The following TTC39C variants were observed in gnomAD, a reference collection of about 807,000 sequenced individuals.
TTC39C encodes tetratricopeptide repeat domain 39C.
A neutral mutation model predicts 76.3 loss-of-function variants in TTC39C; 33 were observed. That is an observed-to-expected ratio of 0.43 (90% confidence interval 0.33 to 0.58). The LOEUF (loss-of-function observed/expected upper bound fraction) is 0.58, where lower values mean the gene tolerates loss of function less well. TTC39C is among the 20% of genes least tolerant of loss of function. The probability of loss-of-function intolerance (pLI) is 0.04; values close to 1 mark genes in which losing one functional copy is unlikely to be tolerated. For missense variants in TTC39C, 595 were observed against 701.4 expected (o/e 0.85, Z 1.71); for synonymous variants, 254 against 260.6 (o/e 0.97, Z 0.24).
At chr18:24,070,747 G>A (rs543242039) in intron 4 of TTC39C, among the ~76,000 whole-genome samples, 4 of 152,088 alleles carry the variant, frequency 2.6e-5, no homozygotes, top group African/African-American at 9.6e-5. Flanking sequence ...GGAGGCTGAG[G>A]CAGGAGAATC....
intron 6 of TTC39C, among the ~76,000 whole-genome samples, chr18:24,087,340 T>G (rs756461792): frequency 1.3e-5 from 2 of 152,224 alleles, no homozygotes; most frequent in Admixed American, 6.5e-5. Context: ...AATACAGATT[T>G]ACACAACTTT....
At chr18:24,131,208 C>CAA (rs35276530) in intron 12 of TTC39C, among the ~76,000 whole-genome samples, 211 of 119,422 alleles carry the variant, frequency 1.8e-3, no homozygotes, top group East Asian at 4.6e-3. Flanking sequence ...GACCCTGTCT[C>CAA]AAAAAAAAAA....
chr18:24,011,819 T>C (rs1487323818), upstream of TTC39C, among the ~76,000 whole-genome samples: 2 of 152,164 alleles, frequency 1.3e-5, no homozygotes, highest in Non-Finnish European at 2.9e-5. Flanking sequence ...TTTTCCACTC[T>C]CTCTGTCTCT....
intron 1 of TTC39C, among the ~76,000 whole-genome samples, chr18:24,050,800 A>T (rs57058604): frequency 6.6e-6 from 1 of 150,844 alleles, no homozygotes; most frequent in African/African-American, 2.4e-5. Flanking sequence ...TGAACCCGGG[A>T]TGCGAAAGTT....
Position 24,066,142 on chromosome 18 carries a change from TA to T in TTC39C, c.345+4del. On this transcript the variant is annotated splice_donor_region_variant and intron_variant, in intron 3 of 13. Transcript: ENST00000317571. Reference sequence around the variant, plus strand: ...ATCAAGAATAAAATTAAGAAGAACGTAAGTATTGCGGCTTTAGGTTGTGGAC... The same window carrying T: ...ATCAAGAATAAAATTAAGAAGAACGTAGTATTGCGGCTTTAGGTTGTGGAC... 6.3e-7 allele frequency: 1 copy of T among 1,595,994 alleles called. No individual in the cohort carries two copies. The highest frequency in any genetic ancestry group is 8.5e-7 in the Non-Finnish European group (1 of 1,175,488).
chr18:24,132,039 G>C, intron 13 of TTC39C, 119 bp downstream of exon 13: 3 of 948,954 alleles, frequency 3.2e-6, no homozygotes, highest in Non-Finnish European at 4.6e-6. Flanking sequence ...TTTCTGGAAA[G>C]GAAAAATGAC....
chr18:24,125,316 G>A, intron 9 of TTC39C, 111 bp from the exon 10 acceptor site: 1 of 1,320,852 alleles, frequency 7.6e-7, no homozygotes, highest in Non-Finnish European at 1.0e-6. Context: ...CTTTGAAGGA[G>A]AGGGTCATTC....
chr18:24,074,183 G>A (rs903946212), intron 4 of TTC39C, among the ~76,000 whole-genome samples: 8 of 152,232 alleles, frequency 5.3e-5, no homozygotes, highest in African/African-American at 1.9e-4. Context: ...GTTGAATAGG[G>A]AACAAGTGTT....
rs368062027 is a variant in TTC39C at position 24,047,332 on chromosome 18, A to T, written c.168-16808A>T. On this transcript the variant is annotated intron_variant, in intron 1 of 13. Transcript: ENST00000317571. ...GATCTCGAACTCCTGGCCTCAAGTG[A>T]TCCACCCGCCTCAGCCTCCCAAGGT... Among the ~76,000 whole-genome samples, 210 of 151,986 alleles carry T rather than the reference A, an allele frequency of 1.4e-3. 9 individuals are homozygous for T. Among genetic ancestry groups the T allele is most frequent in the African/African-American group, 4.9e-3 (204 of 41,316 alleles).
At chr18:24,107,937 T>G (rs1187681462) in intron 6 of TTC39C, among the ~76,000 whole-genome samples, 1 of 151,978 alleles carries the variant, frequency 6.6e-6, no homozygotes, top group African/African-American at 2.4e-5. Context: ...ATTTTTTGTG[T>G]TTTTGTAGAG....
intron 1 of TTC39C, among the ~76,000 whole-genome samples, chr18:24,052,189 G>A (rs895247307): frequency 6.6e-6 from 1 of 152,150 alleles, no homozygotes; most frequent in Non-Finnish European, 1.5e-5. Context: ...AAAAAATATG[G>A]TGACAAGGGA....
chr18:24,078,541 A>G (rs1352552353), intron 4 of TTC39C, among the ~76,000 whole-genome samples: 1 of 152,222 alleles, frequency 6.6e-6, no homozygotes, highest in African/African-American at 2.4e-5. Context: ...AAAATCAGCA[A>G]AGGGAAAAAG....
At chr18:24,085,722 T>C (rs1366876300) in intron 6 of TTC39C, among the ~76,000 whole-genome samples, 2 of 152,198 alleles carry the variant, frequency 1.3e-5, no homozygotes, top group Non-Finnish European at 2.9e-5. Flanking sequence ...TCCTTCACAG[T>C]TAAGCGGCAC....
chr18:24,117,004 G>C (rs962333844), intron 7 of TTC39C, among the ~76,000 whole-genome samples: 1 of 151,730 alleles, frequency 6.6e-6, no homozygotes, highest in East Asian at 1.9e-4. Flanking sequence ...TTTTTATAGA[G>C]ATGGGGTTTC....
In TTC39C at chr18:24,122,500, CAAAAA is replaced by C. The variant is rs36002596; in HGVS notation, c.1187-1318_1187-1314del. On this transcript the variant is annotated intron_variant, in intron 8 of 13. Coordinates refer to ENST00000317571, the MANE Select transcript of TTC39C (RefSeq NM_001135993.2). ...CTGGTGACAGAGCAAGACTCCATCT[CAAAAA>C]AAAAAAAAAAAAAAAGAAGAGGGAA... Among the ~76,000 whole-genome samples the C allele has an allele frequency of 7.8e-5, 4 of 51,042 alleles. 1 individual carries two copies. Among genetic ancestry groups the C allele is most frequent in the African/African-American group, 4.0e-4 (4 of 10,084 alleles). 33.5% of individuals were successfully genotyped at this position (51,042 alleles called of 152,430 possible). A position where few individuals can be genotyped will look rare whatever the true frequency, so the allele number is the denominator to read the frequency against.
At chr18:24,064,689 A>G (rs2084144059) in intron 2 of TTC39C, among the ~76,000 whole-genome samples, 1 of 152,234 alleles carries the variant, frequency 6.6e-6, no homozygotes, top group African/African-American at 2.4e-5. Flanking sequence ...TTTTTCGGAA[A>G]TAGTAATAAC....
At chr18:24,051,274 T>C (rs565939253) in intron 1 of TTC39C, among the ~76,000 whole-genome samples, 39 of 152,342 alleles carry the variant, frequency 2.6e-4, no homozygotes, top group Admixed American at 1.8e-3. Flanking sequence ...ATTTCATGGC[T>C]TCTCAGCACC....
intron 1 of TTC39C, among the ~76,000 whole-genome samples, chr18:24,028,903 A>G (rs749077021): frequency 2.0e-5 from 3 of 151,816 alleles, no homozygotes; most frequent in African/African-American, 4.8e-5. Context: ...TTGTATTTTT[A>G]GTAGAGACGG....
At chr18:23,998,178 C>G (rs931988051) in intron 1 of TTC39C, among the ~76,000 whole-genome samples, 1 of 152,208 alleles carries the variant, frequency 6.6e-6, no homozygotes, top group Non-Finnish European at 1.5e-5. Context: ...AGCTGAGGTT[C>G]AGAGAGTCCT....
Sources: allele counts gnomAD v4.1 joint callset (sites outside exome capture counted in the v4.1 genomes callset), GRCh38; gene constraint gnomAD v4.1.1; transcripts MANE v1.5; gene names NCBI Gene and HGNC (gene_info 2026-07-23, HGNC 2026-07-21).